The following SRRM2 variants were observed in gnomAD, a reference collection of about 807,000 sequenced individuals.
SRRM2 encodes the protein serine/arginine repetitive matrix protein 2.
SRRM2 carries 30 observed loss-of-function variants against 213.8 expected under a neutral mutation model. The ratio of observed to expected loss-of-function variants is 0.14; its 90% CI spans 0.10 to 0.19. The LOEUF (loss-of-function observed/expected upper bound fraction) is 0.19, where lower values mean the gene tolerates loss of function less well. Among genes scored for constraint, SRRM2 ranks in the 10% least tolerant of loss-of-function variants. The pLI is 1.00. For synonymous variants in SRRM2, 2,025 were observed against 1,377.7 expected, an observed-to-expected ratio of 1.47 and a Z score of -10.40; for missense variants, 4,904 against 3,647.0, an observed-to-expected ratio of 1.34 and a Z score of -8.88.
At chr16:2,753,037 C>CT (rs1555458556) in intron 1 of SRRM2, among the ~76,000 whole-genome samples, 191 bp downstream of exon 1, 1 of 2,176 alleles carries the variant, frequency 4.6e-4, no homozygotes, top group South Asian at 3.8e-3. Context: ...GCGGGCTTCA[C>CT]CCCCCCCCGC....
At chr16:2,768,569 G>A (rs893113508) in intron 11 of SRRM2, 2 of 639,728 alleles carry the variant, frequency 3.1e-6, no homozygotes, top group Non-Finnish European at 2.9e-6. Flanking sequence ...GACCTCAAGA[G>A]GAACTCCCTG....
chr16:2,766,141 C>T lies in SRRM2; in HGVS notation c.5613C>T (p.Ala1871=), dbSNP rs751809818. 6.2e-7 allele frequency: 1 copy of T among 1,614,122 alleles called. No individual in the cohort carries two copies. The highest frequency in any genetic ancestry group is 1.1e-5 in the South Asian group (1 of 91,090). ...GCTCTAGATCTCGAGCCTCTCCAGC[C>T]ACTCACCGGCGATCCAGGTCCAGAA... ...WKRSRSRASP[A]THRRSRSRTP... The change falls in exon 11 of 15, where the codon GCC becomes GCT. Residue 1871 remains alanine (A), a synonymous_variant. Transcript: ENST00000301740. This position sits in a 1 kb window ranked among gnomAD's most constrained non-coding sequence, Gnocchi z 7.0.
In SRRM2 at chr16:2,768,010, C is replaced by T; in HGVS notation, c.7482C>T (p.Leu2494=). Residue 2494 remains leucine (L), a synonymous_variant, in exon 11 of 15, where the codon CTC becomes CTT. Transcript: ENST00000301740. The part of the protein sequence containing the change: ...TSSAGDHNGM[L]SVPAPGVPHS... The stretch of plus-strand genomic sequence containing the variant: ...CTGCTGGTGATCACAATGGCATGCT[C>T]TCTGTCCCTGCCCCTGGGGTGCCCC... The T allele has an allele frequency of 1.9e-6, 3 of 1,614,216 alleles. No individual in the cohort carries two copies. Among genetic ancestry groups the T allele is most frequent in the Non-Finnish European group, 2.5e-6 (3 of 1,180,038 alleles).
intron 14 of SRRM2, 23 bp downstream of exon 14, chr16:2,770,740 G>GC (rs2068716120): frequency 6.3e-7 from 1 of 1,583,050 alleles, no homozygotes; most frequent in Non-Finnish European, 8.6e-7. Flanking sequence ...GAAGGCTGAT[G>GC]CCCCCTTCCG....
intron 1 of SRRM2, among the ~76,000 whole-genome samples, chr16:2,754,096 A>C (rs565732409): frequency 2.6e-4 from 40 of 152,050 alleles, no homozygotes; most frequent in Admixed American, 2.6e-3. Context: ...TATGGCCCCC[A>C]CTTTAAGAGT....
In SRRM2 at chr16:2,762,784, T is replaced by C. The variant is rs1567230204; in HGVS notation, c.2256T>C (p.Ser752=). The C allele has an allele frequency of 6.2e-7, 1 of 1,614,086 alleles. No individual in the cohort carries two copies. The highest frequency in any genetic ancestry group is 1.6e-4 in the Middle Eastern group (1 of 6,062). ...RSNSSPEMKK[S]RISSRRSRSL... ...ATTCAAGCCCAGAAATGAAGAAATC[T>C]CGCATTTCTTCAAGGCGGAGCAGGT... is the stretch of plus-strand genomic sequence containing the variant. The change falls in exon 11 of 15, where the codon TCT becomes TCC. Residue 752 remains serine (S), a synonymous_variant. Coordinates refer to ENST00000301740, the MANE Select transcript of SRRM2 (RefSeq NM_016333.4).
chr16:2,770,825 G>A (rs1395925859), intron 14 of SRRM2, 33 bp from the exon 15 acceptor site: 7 of 1,613,832 alleles, frequency 4.3e-6, no homozygotes, highest in Non-Finnish European at 5.9e-6. Flanking sequence ...GCTGGGGTGG[G>A]AACTCCCTGT....
chr16:2,759,511 AG>A, intron 8 of SRRM2, 57 bp from the exon 9 acceptor site: 2 of 1,604,374 alleles, frequency 1.2e-6, no homozygotes, highest in South Asian at 1.1e-5. Flanking sequence ...GGGATACGTG[AG>A]GAGAATCCAG....
chr16:2,754,370 G>A (rs1200323746), intron 1 of SRRM2, among the ~76,000 whole-genome samples: 2 of 151,520 alleles, frequency 1.3e-5, no homozygotes, highest in African/African-American at 4.9e-5. Flanking sequence ...TCGGCTCACT[G>A]CAACCTTCCG....
rs755867156 is a variant in SRRM2 at position 2,766,380 on chromosome 16, C to T, written c.5852C>T (p.Pro1951Leu). 1 of 1,614,130 alleles carries T rather than the reference C, an allele frequency of 6.2e-7. No homozygotes were observed. Among genetic ancestry groups the T allele is most frequent in the Non-Finnish European group, 8.5e-7 (1 of 1,179,992 alleles). The change falls in exon 11 of 15, where the codon CCA becomes CTA. Residue 1951 changes from proline (P) to leucine (L), a missense_variant. Physicochemically the swap from Pro to Leu is moderately conservative, Grantham distance 98. Coordinates refer to ENST00000301740, the MANE Select transcript of SRRM2 (RefSeq NM_016333.4). The surrounding 1 kb of genome is among the most constrained non-coding windows in gnomAD (Gnocchi z 7.0). The part of the protein sequence containing the change: ...TTRRRSRSRT[P>L]PVTRRRSRSR... ...CGCCGCCGCTCCCGTTCTAGAACTC[C>T]ACCAGTGACTCGCAGAAGGTCCAGA...
At position 2,760,438 on chromosome 16, in the gene SRRM2, C is replaced by A; in HGVS notation, c.971C>A (p.Pro324Gln). 9 of 1,614,022 alleles carry A rather than the reference C, an allele frequency of 5.6e-6. No homozygotes were observed. Among genetic ancestry groups the A allele is most frequent in the Non-Finnish European group, 7.6e-6 (9 of 1,180,022 alleles). ...ACCAGCACACAACGGCCTAGTAGCCCGGAGACTGCTACGAAACAGCCTAGC... is the reference window on the plus strand; with the variant it reads ...ACCAGCACACAACGGCCTAGTAGCCAGGAGACTGCTACGAAACAGCCTAGC... ...GTTSTQRPSS[P>Q]ETATKQPSSP... The change falls in exon 10 of 15, where the codon CCG becomes CAG. Residue 324 changes from proline to glutamine, a missense_variant. Pro to Gln is a moderately conservative substitution (Grantham distance 76). Transcript: ENST00000301740.
At position 2,767,372 on chromosome 16, in the gene SRRM2, G is replaced by A. The variant is rs374972060; in HGVS notation, c.6844G>A (p.Val2282Met). Residue 2282 changes from valine to methionine, a missense_variant, in exon 11 of 15, where the codon GTG becomes ATG. Val to Met is a conservative substitution (Grantham distance 21). Coordinates refer to ENST00000301740, the MANE Select transcript of SRRM2 (RefSeq NM_016333.4). ...CAGAACAGCGGTGGCACCTTCGGCT[G>A]TGAACCTGGCTGACCCTCGCACTCC... The part of the protein sequence containing the change: ...SPRTAVAPSA[V>M]NLADPRTPTA... 23 of 1,613,724 alleles carry A rather than the reference G, an allele frequency of 1.4e-5. No homozygotes were observed. Among genetic ancestry groups the A allele is most frequent in the African/African-American group, 2.7e-5 (2 of 74,918 alleles).
rs1456714372 is a variant in SRRM2, at chr16:2,767,859, A to G, written c.7331A>G (p.Gln2444Arg). The change falls in exon 11 of 15, where the codon CAG becomes CGG. Residue 2444 changes from glutamine to arginine, a missense_variant. Physicochemically the swap from Gln to Arg is conservative, Grantham distance 43. Transcript: ENST00000301740. ...TCACAGTCTCTTCTCCCTCCAGCAC[A>G]GGATCAGCCGAGGTCTCCTGTGCCT... ...APSQSLLPPA[Q>R]DQPRSPVPSA... 14 of 1,613,980 alleles carry G rather than the reference A, an allele frequency of 8.7e-6. No individual in the cohort carries two copies. The East Asian group carries it at 2.4e-4, about 28-fold the overall frequency.
Position 2,769,043 on chromosome 16 carries a change from C to A in SRRM2, c.7780C>A (p.Arg2594Ser), listed in dbSNP as rs923240633. 2 of 1,613,974 alleles carry A rather than the reference C, an allele frequency of 1.2e-6. No individual in the cohort carries two copies. The highest frequency in any genetic ancestry group is 2.7e-5 in the African/African-American group (2 of 74,906). Reference protein sequence around the residue: ...PAPKEAVREGRPPEPTPAKRK... With the variant: ...PAPKEAVREGSPPEPTPAKRK... ...CCCAAAGGAGGCTGTTCGAGAGGGA[C>A]GTCCTCCGGAGCCAACCCCAGCCAA... Residue 2594 changes from arginine to serine, a missense_variant, in exon 12 of 15, where the codon CGT becomes AGT. Physicochemically the swap from Arg to Ser is moderately radical, Grantham distance 110. Coordinates refer to ENST00000301740, the MANE Select transcript of SRRM2 (RefSeq NM_016333.4).
chr16:2,767,021 C>T lies in SRRM2; in HGVS notation c.6493C>T (p.Pro2165Ser). 1 of 1,614,180 alleles carries T rather than the reference C, an allele frequency of 6.2e-7. No homozygotes were observed. Among genetic ancestry groups the T allele is most frequent in the African/African-American group, 1.3e-5 (1 of 75,032 alleles). The change falls in exon 11 of 15, where the codon CCT becomes TCT. Residue 2165 changes from proline to serine, a missense_variant. Transcript: ENST00000301740. ...SMMDGPGPRI[P>S]DHQRTSVPEN... Reference sequence around the variant, plus strand: ...GATGGATGGTCCAGGTCCCCGAATACCTGACCACCAGAGAACATCTGTGCC... The same window carrying T: ...GATGGATGGTCCAGGTCCCCGAATATCTGACCACCAGAGAACATCTGTGCC...
At chr16:2,760,547 T>C in intron 10 of SRRM2, 48 bp downstream of exon 10, 1 of 1,600,758 alleles carries the variant, frequency 6.2e-7, no homozygotes, top group Non-Finnish European at 8.6e-7. Flanking sequence ...ATGTATAGAT[T>C]TAGGATAGAC....
chr16:2,760,089 A>AGG, intron 9 of SRRM2: 2 of 607,194 alleles, frequency 3.3e-6, no homozygotes, highest in Non-Finnish European at 5.8e-6. Context: ...AAAGGGGTAG[A>AGG]GGGAGAACGC....
intron 1 of SRRM2, among the ~76,000 whole-genome samples, chr16:2,754,420 A>G (rs2068069002): frequency 6.6e-6 from 1 of 151,548 alleles, no homozygotes; most frequent in Non-Finnish European, 1.5e-5. Flanking sequence ...CAGCCTCTGG[A>G]GTTGCTGAGA....
At position 2,759,574 on chromosome 16, in the gene SRRM2, G is replaced by T. The variant is rs757075985; in HGVS notation, c.746G>T (p.Arg249Leu). 17 of 1,613,992 alleles carry T rather than the reference G, an allele frequency of 1.1e-5. No individual in the cohort carries two copies. Among genetic ancestry groups the T allele is most frequent in the Non-Finnish European group, 1.4e-5 (16 of 1,180,040 alleles). Residue 249 changes from arginine to leucine, a missense_variant, in exon 9 of 15, where the codon CGA (arginine) becomes CTA (leucine). Arg to Leu is a moderately radical substitution (Grantham distance 102, BLOSUM62 -2). Transcript: ENST00000301740. ...KSKDKKRKRSRSTTPAPKSRR... is the reference protein window; with the variant it reads ...KSKDKKRKRSLSTTPAPKSRR... Reference sequence around the variant, plus strand: ...TGGTGGTGGTCTTCCTTCAGGTCTCGAAGTACAACACCAGCCCCCAAGAGC... The same window carrying T: ...TGGTGGTGGTCTTCCTTCAGGTCTCTAAGTACAACACCAGCCCCCAAGAGC...
Sources: gnomAD v4.1 joint callset for allele counts (sites outside exome capture counted in the v4.1 genomes callset) on GRCh38, gnomAD v4.1.1 for gene constraint, Gnocchi (gnomAD v3.1) non-coding constraint, MANE v1.5 for transcripts, NCBI Gene and HGNC (gene_info 2026-07-23, HGNC 2026-07-21) for gene names.